Variants in CIP2A observed in about 807,000 individuals in gnomAD.
CIP2A encodes the protein cellular inhibitor of PP2A.
CIP2A carries 103 observed loss-of-function variants against 110.9 expected under a neutral mutation model. The observed-to-expected ratio is 0.93, with a 90% confidence interval of 0.79 to 1.09. The LOEUF (loss-of-function observed/expected upper bound fraction) is 1.09, where lower values mean the gene tolerates loss of function less well. Ranked by LOEUF, CIP2A falls within the 50% of genes least tolerant of loss-of-function variation. The probability of loss-of-function intolerance (pLI) is 0.00; values close to 1 mark genes in which losing one functional copy is unlikely to be tolerated. For synonymous variants in CIP2A, 381 were observed against 361.6 expected, an observed-to-expected ratio of 1.05 and a Z score of -0.61; for missense variants, 1,088 against 1,038.4, an observed-to-expected ratio of 1.05 and a Z score of -0.66.
chr3:108,553,625 G>C, intron 19 of CIP2A, 23 bp downstream of exon 19: 3 of 1,537,808 alleles, frequency 2.0e-6, no homozygotes, highest in Non-Finnish European at 2.7e-6. Flanking sequence ...AATAGAAAAT[G>C]TATTAAATAA....
intron 20 of CIP2A, 82 bp downstream of exon 20, chr3:108,552,152 G>T: frequency 8.8e-7 from 1 of 1,139,416 alleles, no homozygotes; most frequent in Non-Finnish European, 1.2e-6. Flanking sequence ...TGAAGAAACA[G>T]TACATTCCTT....
intron 1 of CIP2A, among the ~76,000 whole-genome samples, chr3:108,585,509 A>C (rs144509083): frequency 8.5e-5 from 13 of 152,300 alleles, no homozygotes; most frequent in Admixed American, 2.6e-4. Context: ...CCTATAGTAC[A>C]TTATATTTCT....
chr3:108,571,000 T>C (rs565957332), intron 8 of CIP2A, among the ~76,000 whole-genome samples: 1 of 152,226 alleles, frequency 6.6e-6, no homozygotes, highest in South Asian at 2.1e-4. Context: ...TAAACTTTTT[T>C]TGTTAAAAAC....
At chr3:108,553,896 T>TAAAAAAAAAAAAAAAAAAAAAAA (rs71103478) in intron 18 of CIP2A, among the ~76,000 whole-genome samples, 166 bp from the exon 19 acceptor site, 1 of 84,178 alleles carries the variant, frequency 1.2e-5, no homozygotes, top group Non-Finnish European at 2.4e-5. Flanking sequence ...ACTAAAAATA[T>TAAAAAAAAAAAAAAAAAAAAAAA]AAAAAAAAAA....
At chr3:108,582,885 T>C (rs932873387) in intron 3 of CIP2A, 92 bp downstream of exon 3, 6 of 654,348 alleles carry the variant, frequency 9.2e-6, no homozygotes, top group Admixed American at 5.4e-5. Flanking sequence ...TTATATAGCA[T>C]ATATACACTG....
At chr3:108,567,033 TTTATTAA>T (rs1371689667) in intron 10 of CIP2A, among the ~76,000 whole-genome samples, 5 of 151,968 alleles carry the variant, frequency 3.3e-5, no homozygotes, top group Admixed American at 3.3e-4. Flanking sequence ...AAGGCCCCAC[TTTATTAA>T]TTATAAATAT....
chr3:108,554,424 A>C lies in CIP2A; in HGVS notation c.2276T>G (p.Ile759Ser). 1 of 1,567,490 alleles carries C rather than the reference A, an allele frequency of 6.4e-7. No homozygotes were observed. Reference sequence around the variant, plus strand: ...CTCATTCAACTTTTTCACTGTCTCAATTTGTTTATTCAGAGAATCACATGT... The same window carrying C: ...CTCATTCAACTTTTTCACTGTCTCACTTTGTTTATTCAGAGAATCACATGT... Reference protein sequence around the residue: ...QITCDSLNKQIETVKKLNESL... With the variant: ...QITCDSLNKQSETVKKLNESL... The change falls in exon 18 of 21, where the codon ATT becomes AGT. Residue 759 changes from isoleucine to serine, a missense_variant. By Grantham distance (142) the Ile-to-Ser change is moderately radical. Transcript: ENST00000295746.
At chr3:108,583,488 A>G (rs1938951531) in intron 2 of CIP2A, among the ~76,000 whole-genome samples, 1 of 152,228 alleles carries the variant, frequency 6.6e-6, no homozygotes, top group Non-Finnish European at 1.5e-5. Flanking sequence ...AATAAGCCAG[A>G]CACAGAAAGA....
chr3:108,553,172 G>A (rs1937637665), intron 19 of CIP2A, among the ~76,000 whole-genome samples: 1 of 124,832 alleles, frequency 8.0e-6, no homozygotes, highest in Non-Finnish European at 1.6e-5. Context: ...TTGTCACCCA[G>A]GTTGGAGTGC....
Position 108,566,619 on chromosome 3 carries a change from TG to T in CIP2A, c.1292del (p.Thr431AsnfsTer2). On this transcript the variant is annotated frameshift_variant, in exon 11 of 21. Transcript: ENST00000295746. LOFTEE classifies it high-confidence loss of function. ...AGATTTTTGCAATATGCATTTTTAG[TG>T]TATCATCTCCACAGAGAGGTTAAGT... Reference protein sequence around the residue: ...EVLLTLCGDDTLKMHIAKILT... With the variant: ...EVLLTLCGDDXLKMHIAKILT... 6.2e-7 allele frequency: 1 copy of T among 1,603,906 alleles called. No individual in the cohort carries two copies. Among genetic ancestry groups the T allele is most frequent in the Non-Finnish European group, 8.5e-7 (1 of 1,174,904 alleles).
chr3:108,570,510 A>G (rs961026958), intron 8 of CIP2A, among the ~76,000 whole-genome samples: 14 of 152,148 alleles, frequency 9.2e-5, no homozygotes, highest in African/African-American at 3.4e-4. Flanking sequence ...AGAGCCTACT[A>G]CGTCCCTTTA....
intron 8 of CIP2A, among the ~76,000 whole-genome samples, chr3:108,571,018 C>T (rs188202721): frequency 5.9e-5 from 9 of 151,684 alleles, no homozygotes; most frequent in Non-Finnish European, 2.9e-5. Context: ...AACAAAGACA[C>T]AAACACAGAC....
At chr3:108,560,614 A>C (rs1937973745) in intron 14 of CIP2A, 35 bp downstream of exon 14, 8 of 1,349,116 alleles carry the variant, frequency 5.9e-6, no homozygotes, top group Non-Finnish European at 8.2e-6. Context: ...TATAGCTAAT[A>C]TGTACCAGGT....
intron 12 of CIP2A, among the ~76,000 whole-genome samples, chr3:108,564,101 T>C (rs2107327042): frequency 6.6e-6 from 1 of 152,208 alleles, no homozygotes; most frequent in South Asian, 2.1e-4. Flanking sequence ...AAATATTGAG[T>C]ACCTTGTAGG....
chr3:108,583,165 G>T, intron 2 of CIP2A, 82 bp from the exon 3 acceptor site: 1 of 643,526 alleles, frequency 1.6e-6, no homozygotes, highest in South Asian at 4.0e-5. Context: ...TATTTCATAT[G>T]AATTTATTAT....
At chr3:108,566,755 A>G in intron 10 of CIP2A, 117 bp from the exon 11 acceptor site, 1 of 587,882 alleles carries the variant, frequency 1.7e-6, no homozygotes, top group South Asian at 3.3e-5. Context: ...ATTATTGTTA[A>G]ATTAGCTCAA....
chr3:108,557,133 C>T (rs1576298765), intron 17 of CIP2A, 85 bp downstream of exon 17: 1 of 823,312 alleles, frequency 1.2e-6, no homozygotes, highest in Admixed American at 2.5e-5. Flanking sequence ...GAAATGCTTA[C>T]AAAAGGATTT....
At chr3:108,552,070 T>C (rs1937608222) in intron 20 of CIP2A, among the ~76,000 whole-genome samples, 164 bp downstream of exon 20, 1 of 152,136 alleles carries the variant, frequency 6.6e-6, no homozygotes, top group Non-Finnish European at 1.5e-5. Flanking sequence ...TTTTAGAAAA[T>C]ACATTATGAA....
At chr3:108,554,585 C>G in intron 17 of CIP2A, 96 bp from the exon 18 acceptor site, 1 of 597,682 alleles carries the variant, frequency 1.7e-6, no homozygotes. Context: ...CTCTTCTAAC[C>G]AAATTGCATA....
Sources: gnomAD v4.1 joint callset for allele counts (sites outside exome capture counted in the v4.1 genomes callset) on GRCh38, gnomAD v4.1.1 for gene constraint, MANE v1.5 for transcripts, NCBI Gene and HGNC (gene_info 2026-07-23, HGNC 2026-07-21) for gene names.